Variants in MTO1 observed in about 807,000 individuals in gnomAD.
MTO1 encodes mitochondrial tRNA translation optimization 1, also known as 5-taurinomethyluridine-[tRNA] synthase subunit MTO1, mitochondrial.
In MTO1, 46 loss-of-function variants were observed where a neutral mutation model predicts 71.6. The observed-to-expected ratio is 0.64, with a 90% confidence interval of 0.51 to 0.82. The LOEUF is 0.82. Ranked by LOEUF, MTO1 falls within the 40% of genes least tolerant of loss-of-function variation. The pLI is 0.00. For synonymous variants in MTO1, 297 were observed against 312.1 expected (o/e 0.95, Z 0.51); for missense variants, 773 against 867.5 (o/e 0.89, Z 1.37).
At chr6:73,481,594 C>G (rs965564552) in intron 7 of MTO1, among the ~76,000 whole-genome samples, 4 of 151,922 alleles carry the variant, frequency 2.6e-5, no homozygotes, top group Admixed American at 1.3e-4. Context: ...AGTGAGACCC[C>G]CATCTCTACA....
At chr6:73,468,087 G>T (rs1207201555) in intron 3 of MTO1, among the ~76,000 whole-genome samples, 1 of 151,926 alleles carries the variant, frequency 6.6e-6, no homozygotes, top group Non-Finnish European at 1.5e-5. Flanking sequence ...CCAGAGTGCT[G>T]GGATTACAGC....
rs1256875769 is a variant in MTO1, at chr6:73,461,776, G to T, written c.-79G>T. On this transcript the variant is annotated 5_prime_UTR_variant, in exon 1 of 12. Coordinates refer to ENST00000498286, the MANE Select transcript of MTO1 (RefSeq NM_012123.4). ...TATTAAAGCAAGATGGCCGCGCCCT[G>T]CAGATTGTCTCTTGTTGCGTAAGTT... is the stretch of plus-strand genomic sequence containing the variant. The T allele has an allele frequency of 1.4e-6, 2 of 1,466,888 alleles. No individual in the cohort carries two copies. Among genetic ancestry groups the T allele is most frequent in the African/African-American group, 2.8e-5 (2 of 71,812 alleles). 90.9% of individuals were successfully genotyped at this position (1,466,888 alleles called of 1,614,324 possible).
chr6:73,462,939 G>C (rs1470506283), intron 1 of MTO1, among the ~76,000 whole-genome samples: 2 of 151,802 alleles, frequency 1.3e-5, no homozygotes, highest in Non-Finnish European at 2.9e-5. Flanking sequence ...AGCTGGGATT[G>C]CAGGTGCTCA....
At chr6:73,490,691 C>T (rs2150041543) in intron 9 of MTO1, among the ~76,000 whole-genome samples, 1 of 150,426 alleles carries the variant, frequency 6.6e-6, no homozygotes, top group African/African-American at 2.4e-5. Flanking sequence ...CTTGTGATTC[C>T]ATACAAATTT....
chr6:73,489,533 A>G (rs529224119), intron 9 of MTO1, among the ~76,000 whole-genome samples: 5 of 147,790 alleles, frequency 3.4e-5, no homozygotes, highest in South Asian at 2.1e-4. Flanking sequence ...AGAACATGCA[A>G]TGTTTGGTTT....
rs545638367 is a variant in MTO1 at position 73,477,465 on chromosome 6, T to C, written c.826-2267T>C. Among the ~76,000 whole-genome samples, 4 of 148,226 alleles carry C rather than the reference T, an allele frequency of 2.7e-5. No individual in the cohort carries two copies. In the South Asian group the frequency reaches 8.6e-4, roughly 32 times the overall value. ...TACAGTGCTATTATCTAACATAAAG[T>C]CCGTAGTCACATTTTGCTAATTGGT... is the stretch of plus-strand genomic sequence containing the variant. On this transcript the variant is annotated intron_variant, in intron 4 of 11. Coordinates refer to ENST00000498286, the MANE Select transcript of MTO1 (RefSeq NM_012123.4).
chr6:73,480,218 G>T lies in MTO1; in HGVS notation c.1129+92G>T, dbSNP rs965899342. On this transcript the variant is annotated intron_variant, in intron 6 of 11. Transcript: ENST00000498286. ...TTAGCTACAGTCATTGTTGTTCAGA[G>T]CCTCAGAAGATGAAGCCCAACACCT... 28 of 1,271,794 alleles carry T rather than the reference G, an allele frequency of 2.2e-5. No homozygotes were observed. The African/African-American group carries it at 4.0e-4, about 18-fold the overall frequency. The allele number at this position is 1,271,794 out of a possible 1,614,324, so 78.8% of individuals were successfully genotyped here. A position where few individuals can be genotyped will look rare whatever the true frequency, so the allele number is the denominator to read the frequency against.
Position 73,507,676 on chromosome 6 carries a change from A to T in MTO1, c.*6941A>T, listed in dbSNP as rs927074780. The T allele has an allele frequency of 6.6e-6, 1 of 152,192 alleles. No homozygotes were observed. Among genetic ancestry groups the T allele is most frequent in the Admixed American group, 6.6e-5 (1 of 15,266 alleles). The allele number at this position is 152,192 out of a possible 1,614,324, so 9.4% of individuals were successfully genotyped here. A position where few individuals can be genotyped will look rare whatever the true frequency, so the allele number is the denominator to read the frequency against. On this transcript the variant is annotated 3_prime_UTR_variant, in exon 12 of 12. Transcript: ENST00000498286. ...CTAGGGACCAGAGGTCCTCTACTGG[A>T]TTAAAAGTTTCTCCATCCCGGCAGG...
rs189621737 is a variant in MTO1 at position 73,507,014 on chromosome 6, T to C, written c.*6279T>C. 1 of 150,188 alleles carries C rather than the reference T, an allele frequency of 6.7e-6. No homozygotes were observed. The highest frequency in any genetic ancestry group is 1.5e-5 in the Non-Finnish European group (1 of 67,636). The allele number at this position is 150,188 out of a possible 1,614,324, so 9.3% of individuals were successfully genotyped here. ...CCGCGCTCGGTCTATATTCACCAATTTTAAGATGCACATCTTTCCATATTT... is the reference window on the plus strand; with the variant it reads ...CCGCGCTCGGTCTATATTCACCAATCTTAAGATGCACATCTTTCCATATTT... On this transcript the variant is annotated 3_prime_UTR_variant, in exon 12 of 12. Transcript: ENST00000498286.
At chr6:73,465,329 AT>A (rs538297517) in intron 1 of MTO1, among the ~76,000 whole-genome samples, 97 of 151,774 alleles carry the variant, frequency 6.4e-4, no homozygotes, top group African/African-American at 2.2e-3. Flanking sequence ...ATGCCTGGCT[AT>A]TTTTTTGTAT....
intron 4 of MTO1, among the ~76,000 whole-genome samples, chr6:73,477,510 T>A (rs1771359938): frequency 7.9e-6 from 1 of 126,242 alleles, no homozygotes; most frequent in Non-Finnish European, 1.6e-5. Flanking sequence ...CCAAAGCAGC[T>A]TTTTTTTTTT....
At chr6:73,500,127 G>T (rs745727433) in intron 11 of MTO1, among the ~76,000 whole-genome samples, 1 of 152,124 alleles carries the variant, frequency 6.6e-6, no homozygotes, top group Non-Finnish European at 1.5e-5. Flanking sequence ...TGTTTTCTGA[G>T]AGGCTAGTAC....
At chr6:73,468,539 A>C (rs1375814089) in intron 3 of MTO1, among the ~76,000 whole-genome samples, 3 of 152,048 alleles carry the variant, frequency 2.0e-5, no homozygotes. Context: ...AGTATTGTTT[A>C]CTGCATGGAA....
intron 11 of MTO1, among the ~76,000 whole-genome samples, chr6:73,498,264 G>A (rs1189509212): frequency 1.3e-5 from 2 of 151,844 alleles, no homozygotes; most frequent in Admixed American, 6.6e-5. Context: ...TAAGACAGAT[G>A]TTGGTATGTT....
chr6:73,466,930 T>C (rs1451089495), intron 3 of MTO1, among the ~76,000 whole-genome samples: 4 of 151,922 alleles, frequency 2.6e-5, no homozygotes, highest in Non-Finnish European at 5.9e-5. Flanking sequence ...TTTTAAAAAA[T>C]TCATATTTTA....
intron 4 of MTO1, among the ~76,000 whole-genome samples, chr6:73,476,677 A>G (rs574589301): frequency 4.6e-5 from 7 of 152,080 alleles, no homozygotes; most frequent in Admixed American, 6.6e-5. Flanking sequence ...AATTGCAGAG[A>G]TGATGAGCTC....
chr6:73,486,234 A>C (rs1463768135), intron 9 of MTO1, among the ~76,000 whole-genome samples: 4 of 152,126 alleles, frequency 2.6e-5, no homozygotes, highest in Non-Finnish European at 4.4e-5. Context: ...TAATCCCCCC[A>C]AAAAAGAACA....
intron 9 of MTO1, among the ~76,000 whole-genome samples, chr6:73,483,270 G>A (rs1320965797): frequency 6.6e-6 from 1 of 151,920 alleles, no homozygotes; most frequent in Non-Finnish European, 1.5e-5. Flanking sequence ...TTAGCCGGGC[G>A]TGGTAGTGCA....
At chr6:73,474,842 G>A (rs921449528) in intron 4 of MTO1, among the ~76,000 whole-genome samples, 3 of 150,940 alleles carry the variant, frequency 2.0e-5, no homozygotes, top group South Asian at 2.1e-4. Flanking sequence ...TGCAACCTCC[G>A]CCTCCCAGGT....
Sources: allele counts gnomAD v4.1 joint callset (sites outside exome capture counted in the v4.1 genomes callset), GRCh38; gene constraint gnomAD v4.1.1; transcripts MANE v1.5; gene names NCBI Gene and HGNC (gene_info 2026-07-23, HGNC 2026-07-21).